MMP26: variants seen among roughly 807,000 people sequenced by gnomAD.
MMP26 encodes matrix metallopeptidase 26, also known as matrix metalloproteinase-26.
MMP26 carries 33 observed loss-of-function variants against 31.0 expected under a neutral mutation model. The observed-to-expected ratio is 1.06, with a 90% confidence interval of 0.81 to 1.42. The LOEUF (loss-of-function observed/expected upper bound fraction) is 1.42, where lower values mean the gene tolerates loss of function less well. MMP26 is among the 40% of genes most tolerant of loss of function. MMP26 has a pLI of 0.00. For missense variants in MMP26, 347 were observed against 316.1 expected (o/e 1.10, Z -0.74); for synonymous variants, 122 against 114.9 (o/e 1.06, Z -0.40).
rs184628620 is a variant in MMP26, at chr11:4,890,003, T to C, written c.-144-98065T>C. On this transcript the variant is annotated intron_variant, in intron 2 of 7. Coordinates refer to ENST00000380390, the MANE Select transcript of MMP26 (RefSeq NM_021801.5). ...CTTCCTGACATCCTGATGGAGACAATAGGAATGAGAGAGTAGGCTTTTCCT... is the reference window on the plus strand; with the variant it reads ...CTTCCTGACATCCTGATGGAGACAACAGGAATGAGAGAGTAGGCTTTTCCT... 29 of 164,002 alleles carry C rather than the reference T, an allele frequency of 1.8e-4. 1 individual carries two copies. In the East Asian group the frequency reaches 2.6e-3, roughly 15 times the overall value. The allele number at this position is 164,002 out of a possible 1,614,324, so 10.2% of individuals were successfully genotyped here. A position where few individuals can be genotyped will look rare whatever the true frequency, so the allele number is the denominator to read the frequency against.
chr11:4,719,648 CT>C (rs1261470618), intron 1 of MMP26: 1 of 152,160 alleles, frequency 6.6e-6, no homozygotes, highest in Non-Finnish European at 1.5e-5. Flanking sequence ...TAGACTCAGG[CT>C]TGTATTTAAA....
intron 2 of MMP26, chr11:4,943,690 T>G (rs925694115): frequency 2.3e-5 from 8 of 355,178 alleles, no homozygotes; most frequent in Non-Finnish European, 3.3e-5. Flanking sequence ...TTGCTGCCAG[T>G]TGAGAACCAC....
In MMP26 at chr11:4,988,294, G is replaced by T. The variant is rs773132017; in HGVS notation, c.83G>T (p.Gly28Val). Residue 28 changes from glycine (G) to valine (V), a missense_variant, in exon 3 of 8, where the codon GGA becomes GTA. Physicochemically the swap from Gly to Val is moderately radical, Grantham distance 109. Coordinates refer to ENST00000380390, the MANE Select transcript of MMP26 (RefSeq NM_021801.5). ...VPVPPAADHK[G>V]WDFVEGYFHQ... Reference sequence around the variant, plus strand: ...GTGCCCCCTGCTGCAGACCATAAAGGATGGGACTTTGTTGAGGTAGGTGAA... The same window carrying T: ...GTGCCCCCTGCTGCAGACCATAAAGTATGGGACTTTGTTGAGGTAGGTGAA... 6.2e-7 allele frequency: 1 copy of T among 1,613,896 alleles called. No individual in the cohort carries two copies. Among genetic ancestry groups the T allele is most frequent in the African/African-American group, 1.3e-5 (1 of 74,874 alleles).
intron 1 of MMP26, among the ~76,000 whole-genome samples, chr11:4,716,852 G>A (rs1589882094): frequency 1.3e-5 from 2 of 151,590 alleles, no homozygotes; most frequent in South Asian, 4.2e-4. Context: ...TAGTAGAGAT[G>A]GGGTCTCACC....
At chr11:4,788,562 C>T (rs1485373658) in intron 2 of MMP26, among the ~76,000 whole-genome samples, 2 of 152,028 alleles carry the variant, frequency 1.3e-5, no homozygotes, top group Non-Finnish European at 2.9e-5. Flanking sequence ...ATAGTATCTG[C>T]ATAAGTATCC....
intron 5 of MMP26, among the ~76,000 whole-genome samples, chr11:4,991,004 G>A (rs1358063295): frequency 1.3e-5 from 2 of 152,150 alleles, no homozygotes; most frequent in African/African-American, 2.4e-5. Flanking sequence ...ACGATGCATA[G>A]CTCCGAAATC....
chr11:4,776,964 G>A (rs2133428184), intron 2 of MMP26, among the ~76,000 whole-genome samples: 1 of 152,084 alleles, frequency 6.6e-6, no homozygotes, highest in Non-Finnish European at 1.5e-5. Flanking sequence ...TAAAAAATAT[G>A]TATACTATGC....
intron 2 of MMP26, among the ~76,000 whole-genome samples, chr11:4,939,728 C>T (rs1846181953): frequency 6.6e-6 from 1 of 152,066 alleles, no homozygotes; most frequent in South Asian, 2.1e-4. Flanking sequence ...TTCTTCACAA[C>T]CTCTCAATGT....
rs61741857 is a variant in MMP26 at position 4,821,632 on chromosome 11, A to G, written c.-145+54291A>G. 2,254 of 1,614,034 alleles carry G rather than the reference A, an allele frequency of 1.4e-3. 10 individuals carry two copies. In the African/African-American group the frequency reaches 0.016, roughly 11 times the overall value. On this transcript the variant is annotated intron_variant, in intron 2 of 7. Transcript: ENST00000380390. ...CTATTTCCTCTCTATGCTTTCAGCCACAGACCTGAGCTTGTCCCTGTGTAC... is the reference window on the plus strand; with the variant it reads ...CTATTTCCTCTCTATGCTTTCAGCCGCAGACCTGAGCTTGTCCCTGTGTAC...
At chr11:4,756,830 T>C (rs1207557810) in intron 1 of MMP26, 1 of 151,070 alleles carries the variant, frequency 6.6e-6, no homozygotes, top group African/African-American at 2.4e-5. Context: ...AAAAAAAAAC[T>C]AAGACACTGA....
chr11:4,838,387 A>G (rs2133486595), intron 2 of MMP26, among the ~76,000 whole-genome samples: 1 of 148,768 alleles, frequency 6.7e-6, no homozygotes, highest in South Asian at 2.1e-4. Context: ...ATTTTTTGAG[A>G]AAAGAATCTA....
intron 1 of MMP26, chr11:4,709,741 A>G (rs1176767990): frequency 2.2e-6 from 1 of 460,906 alleles, no homozygotes; most frequent in African/African-American, 2.0e-5. Context: ...TCAAGCCTCC[A>G]TGAACCCATG....
chr11:4,915,763 AT>A, intron 2 of MMP26: 1 of 698,590 alleles, frequency 1.4e-6, no homozygotes, highest in Non-Finnish European at 2.4e-6. Context: ...AAGAAAAAAA[AT>A]AGAATCAAAT....
intron 2 of MMP26, among the ~76,000 whole-genome samples, chr11:4,919,507 A>T (rs12417099): frequency 5.3e-5 from 8 of 151,950 alleles, no homozygotes; most frequent in Non-Finnish European, 7.4e-5. Flanking sequence ...TAAGAGAAAA[A>T]GGGGCAAGGA....
At chr11:4,921,428 C>A (rs1368548157) in intron 2 of MMP26, among the ~76,000 whole-genome samples, 1 of 152,190 alleles carries the variant, frequency 6.6e-6, no homozygotes, top group Non-Finnish European at 1.5e-5. Context: ...ATGACAGTGG[C>A]AGATCCGTGA....
chr11:4,769,868 G>A, intron 2 of MMP26: 8 of 1,613,068 alleles, frequency 5.0e-6, no homozygotes, highest in Non-Finnish European at 6.8e-6. Flanking sequence ...AGGAATGCCG[G>A]TCAACAAGAA....
chr11:4,856,627 G>A lies in MMP26; in HGVS notation c.-145+89286G>A, dbSNP rs541733691. 5.9e-5 allele frequency among the ~76,000 whole-genome samples: 9 copies of A among 152,008 alleles called. No individual in the cohort carries two copies. In the South Asian group the frequency reaches 6.3e-4, roughly 11 times the overall value. ...GACTCCCACACAATAATAATGGGAG[G>A]GTTTAACACCCCACTGTCAACATTA... On this transcript the variant is annotated intron_variant, in intron 2 of 7. Transcript: ENST00000380390.
In MMP26 at chr11:4,813,382, CTATTTATT is replaced by C. The variant is rs202034651; in HGVS notation, c.-145+46055_-145+46062del. On this transcript the variant is annotated intron_variant, in intron 2 of 7. Coordinates refer to ENST00000380390, the MANE Select transcript of MMP26 (RefSeq NM_021801.5). ...TTGATTTTCCTTTTTTCCTTTCTTT[CTATTTATT>C]TATTTATTTATTTTTTAGAGATGGG... 3.3e-5 allele frequency among the ~76,000 whole-genome samples: 5 copies of C among 151,590 alleles called. No individual in the cohort carries two copies. The East Asian group carries it at 5.8e-4, about 18-fold the overall frequency.
chr11:4,706,590 AAAAAAAAAAGAC>A lies in MMP26; in HGVS notation c.-217+1547_-217+1558del, dbSNP rs1415217825. 1.4e-3 allele frequency among the ~76,000 whole-genome samples: 182 copies of A among 134,048 alleles called. 1 individual carries two copies. Among genetic ancestry groups the A allele is most frequent in the African/African-American group, 6.7e-3 (174 of 25,794 alleles). 87.9% of individuals were successfully genotyped at this position (134,048 alleles called of 152,430 possible). Reference sequence around the variant, plus strand: ...AAGACCCTATCTCAAAAAAAAAAAAAAAAAAAAAAGACAGAAAGAAAGAAAGAAAGAAAAGAA... The same window carrying A: ...AAGACCCTATCTCAAAAAAAAAAAAAAGAAAGAAAGAAAGAAAGAAAAGAA... On this transcript the variant is annotated intron_variant, in intron 1 of 7. Coordinates refer to ENST00000380390, the MANE Select transcript of MMP26 (RefSeq NM_021801.5).
Sources: allele counts gnomAD v4.1 joint callset (sites outside exome capture counted in the v4.1 genomes callset), GRCh38; gene constraint gnomAD v4.1.1; transcripts MANE v1.5; gene names NCBI Gene and HGNC (gene_info 2026-07-23, HGNC 2026-07-21).